The following NEO1 variants were observed in gnomAD, a reference collection of about 807,000 sequenced individuals.
The protein encoded by NEO1 is neogenin 1.
NEO1 carries 63 observed loss-of-function variants against 159.7 expected under a neutral mutation model. That is an observed-to-expected ratio of 0.39 (90% CI 0.32 to 0.49). The LOEUF (loss-of-function observed/expected upper bound fraction) is 0.49, where lower values mean the gene tolerates loss of function less well. Among genes scored for constraint, NEO1 ranks in the 20% least tolerant of loss-of-function variants. The pLI is 0.85. For missense variants in NEO1, 1,615 were observed against 1,831.0 expected (o/e 0.88, Z 2.15); for synonymous variants, 633 against 662.0 (o/e 0.96, Z 0.67).
At position 73,278,198 on chromosome 15, in the gene NEO1, C is replaced by T. The variant is rs768546056; in HGVS notation, c.3261C>T (p.Ser1087=). Residue 1087 remains serine (S), a splice_region_variant and synonymous_variant, in exon 22 of 29, where the codon AGC becomes AGT. Coordinates refer to ENST00000261908, the MANE Select transcript of NEO1 (RefSeq NM_002499.4). ...DLGSDYKPPM[S]GSNSPHGSPT... ...GATCCGACTACAAACCTCCAATGAG[C>T]GGTAAAGCCTTTCCCATGGCGTTTT... 13 of 1,611,028 alleles carry T rather than the reference C, an allele frequency of 8.1e-6. No individual in the cohort carries two copies. Among genetic ancestry groups the T allele is most frequent in the East Asian group, 4.5e-5 (2 of 44,838 alleles).
intron 5 of NEO1, among the ~76,000 whole-genome samples, chr15:73,152,059 A>C (rs1261307771): frequency 6.6e-6 from 1 of 152,320 alleles, no homozygotes; most frequent in East Asian, 1.9e-4. Context: ...TAAGTTTTCC[A>C]TATAAATAAA....
At chr15:73,162,396 G>T (rs1177064424) in intron 5 of NEO1, 1 of 155,458 alleles carries the variant, frequency 6.4e-6, no homozygotes, top group African/African-American at 2.4e-5. Context: ...TGTTGTTGTT[G>T]TTGTTGTTGT....
intron 5 of NEO1, among the ~76,000 whole-genome samples, chr15:73,136,855 C>T (rs891626770): frequency 6.6e-6 from 1 of 152,146 alleles, no homozygotes; most frequent in African/African-American, 2.4e-5. Context: ...TTCCCACCCC[C>T]TCAAAACTCC....
At chr15:73,147,981 T>G (rs1243500578) in intron 5 of NEO1, among the ~76,000 whole-genome samples, 1 of 152,108 alleles carries the variant, frequency 6.6e-6, no homozygotes, top group Non-Finnish European at 1.5e-5. Flanking sequence ...GCCCGGCTAA[T>G]TTTTGTAGTT....
intron 7 of NEO1, among the ~76,000 whole-genome samples, chr15:73,216,706 T>C (rs2150727165): frequency 6.6e-6 from 1 of 152,324 alleles, no homozygotes; most frequent in South Asian, 2.1e-4. Flanking sequence ...TTTTTTCATG[T>C]GTTTTTTGGC....
chr15:73,231,434 A>T (rs2038905132), intron 7 of NEO1, among the ~76,000 whole-genome samples: 1 of 152,208 alleles, frequency 6.6e-6, no homozygotes, highest in African/African-American at 2.4e-5. Context: ...TCCTCTTGCT[A>T]TAAAAGTAGT....
intron 1 of NEO1, among the ~76,000 whole-genome samples, chr15:73,059,289 G>C (rs1350197252): frequency 6.6e-6 from 1 of 152,174 alleles, no homozygotes; most frequent in Admixed American, 6.5e-5. Flanking sequence ...ACTGAATGAA[G>C]TCAGTTCTTC....
At chr15:73,246,466 A>G (rs909430152) in intron 9 of NEO1, among the ~76,000 whole-genome samples, 1 of 152,220 alleles carries the variant, frequency 6.6e-6, no homozygotes, top group African/African-American at 2.4e-5. Flanking sequence ...CAGCTTTCAT[A>G]TAGAGGCATC....
chr15:73,274,596 T>G lies in NEO1; in HGVS notation c.3161-96T>G, dbSNP rs962788820. On this transcript the variant is annotated intron_variant, in intron 20 of 28. Transcript: ENST00000261908. ...CAGTTTGTTTGGAAGTTTGTGGGGGTTTTAGTTTTTTTCCTTTAAAAAGTT... is the reference window on the plus strand; with the variant it reads ...CAGTTTGTTTGGAAGTTTGTGGGGGGTTTAGTTTTTTTCCTTTAAAAAGTT... 4.1e-5 allele frequency: 49 copies of G among 1,205,772 alleles called. No homozygotes were observed. The South Asian group carries it at 4.1e-4, about 10-fold the overall frequency. The allele number at this position is 1,205,772 out of a possible 1,614,324, so 74.7% of individuals were successfully genotyped here. A position where few individuals can be genotyped will look rare whatever the true frequency, so the allele number is the denominator to read the frequency against.
intron 13 of NEO1, chr15:73,255,417 AC>A (rs1230327711): frequency 6.6e-6 from 1 of 152,214 alleles, no homozygotes; most frequent in Non-Finnish European, 1.5e-5. Flanking sequence ...ATATGGTTTC[AC>A]CCTGGAGATC....
At chr15:73,065,105 A>G (rs774430361) in intron 1 of NEO1, among the ~76,000 whole-genome samples, 2 of 152,090 alleles carry the variant, frequency 1.3e-5, no homozygotes, top group Admixed American at 6.5e-5. Context: ...CAAGGCCTCT[A>G]TAACACCTGA....
intron 5 of NEO1, among the ~76,000 whole-genome samples, chr15:73,150,056 C>G (rs970109609): frequency 6.6e-6 from 1 of 152,162 alleles, no homozygotes; most frequent in Admixed American, 6.5e-5. Flanking sequence ...GCTCCTGGAA[C>G]CTGTGAAAGA....
At chr15:73,099,192 CTTCT>C (rs1019792961) in intron 1 of NEO1, among the ~76,000 whole-genome samples, 1 of 152,152 alleles carries the variant, frequency 6.6e-6, no homozygotes, top group African/African-American at 2.4e-5. Context: ...ATGCTGTTAA[CTTCT>C]TTCTTAGATT....
chr15:73,302,907 T>C lies in NEO1; in HGVS notation c.*211T>C. On this transcript the variant is annotated 3_prime_UTR_variant, in exon 29 of 29. Coordinates refer to ENST00000261908, the MANE Select transcript of NEO1 (RefSeq NM_002499.4). ...TGGAAGAAGCCTGTGTCGAGGCAGCTTCCCTTTGCCTGCTGATATTCTGCA... is the reference window on the plus strand; with the variant it reads ...TGGAAGAAGCCTGTGTCGAGGCAGCCTCCCTTTGCCTGCTGATATTCTGCA... 2 of 520,468 alleles carry C rather than the reference T, an allele frequency of 3.8e-6. No individual in the cohort carries two copies. The highest frequency in any genetic ancestry group is 6.9e-6 in the Non-Finnish European group (2 of 287,976). The allele number at this position is 520,468 out of a possible 1,614,324, so 32.2% of individuals were successfully genotyped here.
intron 1 of NEO1, among the ~76,000 whole-genome samples, chr15:73,057,159 A>G (rs1267878594): frequency 6.6e-6 from 1 of 152,210 alleles, no homozygotes; most frequent in African/African-American, 2.4e-5. Flanking sequence ...TTCATAAACT[A>G]TAAAGTACTG....
At chr15:73,125,700 G>C (rs1429425885) in intron 3 of NEO1, among the ~76,000 whole-genome samples, 1 of 152,152 alleles carries the variant, frequency 6.6e-6, no homozygotes, top group Non-Finnish European at 1.5e-5. Context: ...GTATTCACAA[G>C]AGGACAACTC....
chr15:73,273,436 G>C (rs1301197836), intron 19 of NEO1, among the ~76,000 whole-genome samples: 2 of 152,142 alleles, frequency 1.3e-5, no homozygotes, highest in Non-Finnish European at 2.9e-5. Flanking sequence ...GACTTGACTT[G>C]GATTACATTT....
chr15:73,278,342 G>A, intron 22 of NEO1, 143 bp downstream of exon 22: 2 of 621,884 alleles, frequency 3.2e-6, no homozygotes, highest in African/African-American at 1.8e-5. Flanking sequence ...TTAAGTGTTT[G>A]CCAAATCACT....
At chr15:73,178,665 T>C (rs529652126) in intron 7 of NEO1, among the ~76,000 whole-genome samples, 1 of 152,226 alleles carries the variant, frequency 6.6e-6, no homozygotes, top group Admixed American at 6.5e-5. Context: ...TATTATAGTC[T>C]TAATAAATTA....
Sources: allele counts gnomAD v4.1 joint callset (sites outside exome capture counted in the v4.1 genomes callset), GRCh38; gene constraint gnomAD v4.1.1; transcripts MANE v1.5; gene names NCBI Gene and HGNC (gene_info 2026-07-23, HGNC 2026-07-21).